PDE12: variants seen among roughly 807,000 people sequenced by gnomAD.
The protein encoded by PDE12 is 2',5'-phosphodiesterase 12.
PDE12 carries 26 observed loss-of-function variants against 45.4 expected under a neutral mutation model. The observed-to-expected ratio is 0.57, with a 90% CI of 0.42 to 0.79. PDE12 has a LOEUF of 0.79. PDE12 is among the 30% of genes least tolerant of loss of function. The probability of loss-of-function intolerance (pLI) is 0.00; values close to 1 mark genes in which losing one functional copy is unlikely to be tolerated. For synonymous variants in PDE12, 283 were observed against 323.9 expected (o/e 0.87, Z 1.36); for missense variants, 668 against 790.0 (o/e 0.85, Z 1.85).
the PDE12 span, among the ~76,000 whole-genome samples, chr3:57,580,733 G>A: frequency 8.6e-3 from 1,309 of 151,600 alleles, 14 homozygotes; most frequent in South Asian, 0.05. Flanking sequence ...CCCCTAAAAG[G>A]GACCTAATTT....
At chr3:57,644,066 C>A in the PDE12 span, among the ~76,000 whole-genome samples, 1 of 150,678 alleles carries the variant, frequency 6.6e-6, no homozygotes, top group Admixed American at 6.7e-5. Context: ...AGGAGAATCT[C>A]GTGAACCCGG....
At chr3:57,597,190 C>T in the PDE12 span, 1 of 1,553,060 alleles carries the variant, frequency 6.4e-7, no homozygotes, top group South Asian at 1.1e-5. Context: ...TTTGGGGCGA[C>T]CCCGTGCTTT....
At chr3:57,602,481 C>T in the PDE12 span, among the ~76,000 whole-genome samples, 1 of 152,156 alleles carries the variant, frequency 6.6e-6, no homozygotes, top group African/African-American at 2.4e-5. Context: ...GTGTTTGGAT[C>T]GTTTGGCCCA....
the PDE12 span, chr3:57,572,108 C>T: frequency 1.2e-6 from 1 of 843,770 alleles, no homozygotes; most frequent in East Asian, 2.5e-5. Flanking sequence ...TCTGCCCAAA[C>T]CAGTCCCAGA....
chr3:57,592,019 G>A, the PDE12 span, among the ~76,000 whole-genome samples: 5 of 152,020 alleles, frequency 3.3e-5, no homozygotes, highest in Non-Finnish European at 7.4e-5. Flanking sequence ...TAAAACCCAC[G>A]GAACTGTACA....
the PDE12 span, among the ~76,000 whole-genome samples, chr3:57,580,427 G>A: frequency 6.6e-6 from 1 of 151,906 alleles, no homozygotes; most frequent in African/African-American, 2.4e-5. Context: ...AAAGAGGCAA[G>A]GTCTCCTTTT....
the PDE12 span, among the ~76,000 whole-genome samples, chr3:57,588,914 C>A: frequency 6.6e-6 from 1 of 152,102 alleles, no homozygotes; most frequent in Admixed American, 6.6e-5. Context: ...ACCAGCCTGA[C>A]CAACATGGAG....
chr3:57,650,747 G>A, the PDE12 span, among the ~76,000 whole-genome samples: 1 of 151,726 alleles, frequency 6.6e-6, no homozygotes, highest in Non-Finnish European at 1.5e-5. Flanking sequence ...TGCATCAAAA[G>A]GTGAATGGAT....
chr3:57,576,136 A>G, the PDE12 span, among the ~76,000 whole-genome samples: 1 of 152,228 alleles, frequency 6.6e-6, no homozygotes, highest in African/African-American at 2.4e-5. Context: ...ATCATGAAAT[A>G]TACAAAAAAA....
chr3:57,630,548 T>C, the PDE12 span: 6 of 1,572,998 alleles, frequency 3.8e-6, no homozygotes, highest in South Asian at 1.2e-5. Flanking sequence ...TTTAAAAAAG[T>C]AAAGTTTGAT....
chr3:57,573,943 G>T, the PDE12 span, among the ~76,000 whole-genome samples: 53,360 of 148,800 alleles, frequency 0.36, 11,161 homozygotes, highest in South Asian at 0.54. Flanking sequence ...GTTTTTTTTT[G>T]TTTGTTTGTT....
chr3:57,605,822 G>A, the PDE12 span, among the ~76,000 whole-genome samples: 10 of 152,046 alleles, frequency 6.6e-5, no homozygotes, highest in Non-Finnish European at 1.5e-4. Context: ...AAAGACTTGA[G>A]CATCTAGAAA....
chr3:57,601,597 C>A, the PDE12 span, among the ~76,000 whole-genome samples: 51 of 152,110 alleles, frequency 3.4e-4, no homozygotes, highest in African/African-American at 1.2e-3. Flanking sequence ...GGGCCTTGAG[C>A]ATCTGCAGAT....
At chr3:57,584,734 C>T in the PDE12 span, among the ~76,000 whole-genome samples, 2 of 152,048 alleles carry the variant, frequency 1.3e-5, no homozygotes, top group Non-Finnish European at 2.9e-5. Context: ...TCTAGCTTTG[C>T]GACAAACTAG....
chr3:57,559,552 A>G lies in PDE12; in HGVS notation c.1388-10A>G, dbSNP rs1408231476. ...AAAAATACTTACATTAATGTTTTTT[A>G]TATTCATAGGTGGGTATATTCGCCT... is the stretch of plus-strand genomic sequence containing the variant. On this transcript the variant is annotated splice_polypyrimidine_tract_variant and intron_variant, in intron 2 of 2. Coordinates refer to ENST00000311180, the MANE Select transcript of PDE12 (RefSeq NM_177966.7). 1.9e-6 allele frequency: 3 copies of G among 1,580,648 alleles called. No individual in the cohort carries two copies. The highest frequency in any genetic ancestry group is 2.6e-6 in the Non-Finnish European group (3 of 1,165,878).
chr3:57,569,185 TTA>T (rs969932103), downstream of PDE12, among the ~76,000 whole-genome samples: 5 of 152,166 alleles, frequency 3.3e-5, no homozygotes, highest in African/African-American at 1.2e-4. Context: ...GACAGTGATT[TTA>T]TGTTTGCATA....
chr3:57,645,817 A>C, the PDE12 span: 20 of 1,225,274 alleles, frequency 1.6e-5, no homozygotes, highest in Non-Finnish European at 2.4e-5. Context: ...CTAATCTATA[A>C]CTAGAAAACA....
the PDE12 span, among the ~76,000 whole-genome samples, chr3:57,649,141 A>G: frequency 1.3e-5 from 2 of 152,244 alleles, no homozygotes. Context: ...AGAATCTATA[A>G]GGAACTTAAA....
the PDE12 span, among the ~76,000 whole-genome samples, chr3:57,629,613 G>A: frequency 3.5e-5 from 5 of 144,506 alleles, no homozygotes; most frequent in African/African-American, 5.1e-5. Context: ...CCGGGTTCAC[G>A]CCATTCTCCT....
Sources: gnomAD v4.1 joint callset for allele counts (sites outside exome capture counted in the v4.1 genomes callset) on GRCh38, gnomAD v4.1.1 for gene constraint, MANE v1.5 for transcripts, NCBI Gene and HGNC (gene_info 2026-07-23, HGNC 2026-07-21) for gene names.